The following THSD7B variants were observed in gnomAD, a reference collection of about 807,000 sequenced individuals.
THSD7B encodes the protein thrombospondin type 1 domain containing 7B, also known as thrombospondin type-1 domain-containing protein 7B.
Under a neutral mutation model 213.6 loss-of-function variants are expected in THSD7B, and 138 were observed. That is an observed-to-expected ratio of 0.65 (90% CI 0.56 to 0.74). The LOEUF is 0.74. THSD7B is among the 30% of genes least tolerant of loss of function. THSD7B has a pLI of 0.00. For missense variants in THSD7B, 1,931 were observed against 1,991.5 expected (o/e 0.97, Z 0.58); for synonymous variants, 742 against 687.0 (o/e 1.08, Z -1.25).
At chr2:137,016,901 C>T (rs879923377) in intron 2 of THSD7B, among the ~76,000 whole-genome samples, 3 of 152,096 alleles carry the variant, frequency 2.0e-5, no homozygotes, top group Non-Finnish European at 4.4e-5. Flanking sequence ...TTCTTTACCC[C>T]AAATCCTTGG....
At chr2:136,934,073 G>A (rs1684678979) in intron 2 of THSD7B, among the ~76,000 whole-genome samples, 1 of 152,100 alleles carries the variant, frequency 6.6e-6, no homozygotes, top group African/African-American at 2.4e-5. Flanking sequence ...AATTAAATTA[G>A]GGGCTATTAA....
At chr2:137,604,976 A>C (rs1682144651) in intron 17 of THSD7B, among the ~76,000 whole-genome samples, 1 of 152,196 alleles carries the variant, frequency 6.6e-6, no homozygotes, top group East Asian at 1.9e-4. Context: ...AAATAATAGA[A>C]TATAATAATA....
At chr2:137,282,241 T>C (rs1265245301) in intron 12 of THSD7B, among the ~76,000 whole-genome samples, 2 of 152,142 alleles carry the variant, frequency 1.3e-5, no homozygotes, top group Admixed American at 6.5e-5. Flanking sequence ...GCCCACTTGT[T>C]GATGGGGTTG....
At chr2:136,852,680 C>T (rs1397810745) in intron 1 of THSD7B, among the ~76,000 whole-genome samples, 1 of 152,130 alleles carries the variant, frequency 6.6e-6, no homozygotes, top group Non-Finnish European at 1.5e-5. Flanking sequence ...TTTAATATAA[C>T]TTATGCCTGT....
At position 137,056,811 on chromosome 2, in the gene THSD7B, C is replaced by T; in HGVS notation, c.531C>T (p.Pro177=). ...AACAGGCTTGCCTCATTCCTTGTCC[C>T]CGGGATTGTGTAGTATCTGAGTTCT... ...PTEQACLIPC[P]RDCVVSEFLP... is the part of the protein sequence containing the mutation. Residue 177 remains proline, a synonymous_variant, in exon 3 of 28, where the codon CCC becomes CCT. Transcript: ENST00000409968. 1.2e-6 allele frequency: 2 copies of T among 1,613,928 alleles called. No homozygotes were observed. Among genetic ancestry groups the T allele is most frequent in the South Asian group, 1.1e-5 (1 of 91,084 alleles).
intron 17 of THSD7B, among the ~76,000 whole-genome samples, chr2:137,584,774 A>G (rs910442816): frequency 7.9e-5 from 12 of 152,090 alleles, no homozygotes; most frequent in African/African-American, 2.4e-4. Context: ...CGATGTTCAT[A>G]AGGGATATTG....
At chr2:136,883,090 T>C (rs1239084218) in intron 2 of THSD7B, among the ~76,000 whole-genome samples, 2 of 152,138 alleles carry the variant, frequency 1.3e-5, no homozygotes, top group Non-Finnish European at 2.9e-5. Flanking sequence ...ATTTAAAATA[T>C]TTATTGCTTT....
intron 3 of THSD7B, among the ~76,000 whole-genome samples, chr2:137,069,436 C>A (rs13418662): frequency 6.6e-6 from 1 of 151,414 alleles, no homozygotes; most frequent in African/African-American, 2.4e-5. Flanking sequence ...TTATTGTTTG[C>A]ATGAATGAAA....
intron 2 of THSD7B, among the ~76,000 whole-genome samples, chr2:136,943,721 G>A (rs1684875093): frequency 1.3e-5 from 2 of 152,076 alleles, no homozygotes; most frequent in South Asian, 4.2e-4. Flanking sequence ...TGGGATCAGT[G>A]GTGATTTCCC....
At chr2:137,312,780 G>A (rs1309765741) in intron 12 of THSD7B, among the ~76,000 whole-genome samples, 9 of 151,402 alleles carry the variant, frequency 5.9e-5, no homozygotes, top group Admixed American at 5.3e-4. Context: ...TAGTCATTCA[G>A]GAGCAGGTTG....
intron 2 of THSD7B, among the ~76,000 whole-genome samples, chr2:137,006,542 CT>C: frequency 6.6e-6 from 1 of 152,276 alleles, no homozygotes. Flanking sequence ...CCTCATTCTA[CT>C]GGTTTGCTTG....
intron 5 of THSD7B, among the ~76,000 whole-genome samples, chr2:137,152,184 A>T (rs1679832160): frequency 6.6e-6 from 1 of 152,022 alleles, no homozygotes; most frequent in Admixed American, 6.6e-5. Context: ...AAATAATCTT[A>T]AGTACTTTTT....
At chr2:137,212,816 C>A (rs1336157081) in intron 7 of THSD7B, among the ~76,000 whole-genome samples, 2 of 151,846 alleles carry the variant, frequency 1.3e-5, no homozygotes, top group African/African-American at 4.8e-5. Flanking sequence ...GGCTCCAGGA[C>A]AAAACCAAGA....
Position 137,232,947 on chromosome 2 carries a change from G to A in THSD7B, c.1964G>A (p.Cys655Tyr). The change falls in exon 9 of 28, where the codon TGT becomes TAT. Residue 655 changes from cysteine (C) to tyrosine (Y), a missense_variant. Transcript: ENST00000409968. ...PSQALQEHRL[C>Y]NDHSCMQLHW... Reference sequence around the variant, plus strand: ...CAGGCTCTCCAAGAGCATCGTTTGTGTAATGACCATTCCTGTATGCAGCTT... The same window carrying A: ...CAGGCTCTCCAAGAGCATCGTTTGTATAATGACCATTCCTGTATGCAGCTT... The A allele has an allele frequency of 6.2e-7, 1 of 1,613,954 alleles. No individual in the cohort carries two copies. The highest frequency in any genetic ancestry group is 8.5e-7 in the Non-Finnish European group (1 of 1,179,836).
intron 3 of THSD7B, among the ~76,000 whole-genome samples, chr2:137,062,339 T>G (rs958179693): frequency 2.0e-5 from 3 of 151,602 alleles, no homozygotes; most frequent in African/African-American, 7.3e-5. Flanking sequence ...TCATTGATTT[T>G]GACTCTGATT....
chr2:137,473,096 T>C (rs982461090), intron 15 of THSD7B, among the ~76,000 whole-genome samples: 2 of 151,308 alleles, frequency 1.3e-5, no homozygotes, highest in African/African-American at 4.9e-5. Context: ...ATTAATTGTT[T>C]TTTTTTTTTT....
chr2:137,397,499 C>G (rs899756096), intron 12 of THSD7B, among the ~76,000 whole-genome samples: 24 of 151,876 alleles, frequency 1.6e-4, no homozygotes, highest in African/African-American at 5.8e-4. Context: ...GGCCCCCACT[C>G]TCTTCTGGCT....
intron 12 of THSD7B, among the ~76,000 whole-genome samples, chr2:137,342,911 A>C (rs1264842460): frequency 6.6e-6 from 1 of 151,608 alleles, no homozygotes; most frequent in East Asian, 1.9e-4. Flanking sequence ...GGTCTTTTTA[A>C]TGGTTGTTGA....
Position 137,450,983 on chromosome 2 carries a change from A to G in THSD7B, c.3098A>G (p.Asn1033Ser). Residue 1033 changes from asparagine (N) to serine (S), a missense_variant, in exon 15 of 28, where the codon AAT (asparagine) becomes AGT (serine). Transcript: ENST00000409968. ...RSKWLKEKPY[N>S]GGRPCPKLDL... ...AAATGGCTAAAAGAAAAACCTTACAATGGAGGACGACCATGTCCCAAACTG... is the reference window on the plus strand; with the variant it reads ...AAATGGCTAAAAGAAAAACCTTACAGTGGAGGACGACCATGTCCCAAACTG... The G allele has an allele frequency of 6.2e-7, 1 of 1,609,496 alleles. No individual in the cohort carries two copies. Among genetic ancestry groups the G allele is most frequent in the Non-Finnish European group, 8.5e-7 (1 of 1,177,472 alleles).
Sources: allele counts gnomAD v4.1 joint callset (sites outside exome capture counted in the v4.1 genomes callset), GRCh38; gene constraint gnomAD v4.1.1; transcripts MANE v1.5; gene names NCBI Gene and HGNC (gene_info 2026-07-23, HGNC 2026-07-21).